KCNT2: variants seen among roughly 807,000 people sequenced by gnomAD.
KCNT2 encodes the protein potassium channel subfamily T member 2.
In KCNT2, 67 loss-of-function variants were observed where a neutral mutation model predicts 153.8. The ratio of observed to expected loss-of-function variants is 0.44; its 90% confidence interval spans 0.36 to 0.53. The LOEUF is 0.53. Ranked by LOEUF, KCNT2 falls within the 20% of genes least tolerant of loss-of-function variation. The pLI, the probability that KCNT2 is intolerant of heterozygous loss-of-function variation, is 0.00. For missense variants in KCNT2, 975 were observed against 1,354.8 expected, an observed-to-expected ratio of 0.72 and a Z score of 4.40; for synonymous variants, 500 against 458.8, an observed-to-expected ratio of 1.09 and a Z score of -1.15.
intron 1 of KCNT2, among the ~76,000 whole-genome samples, chr1:196,561,178 C>G (rs188777737): frequency 4.6e-5 from 7 of 151,588 alleles, no homozygotes; most frequent in Non-Finnish European, 1.0e-4. Flanking sequence ...TTTAATCATT[C>G]CACGACTTAT....
chr1:196,298,898 A>G (rs1660920189), intron 22 of KCNT2, among the ~76,000 whole-genome samples: 1 of 150,610 alleles, frequency 6.6e-6, no homozygotes, highest in Non-Finnish European at 1.5e-5. Flanking sequence ...AGGGACAAAG[A>G]CCAAGTATTT....
intron 1 of KCNT2, among the ~76,000 whole-genome samples, chr1:196,509,167 G>C (rs1681395947): frequency 6.6e-6 from 1 of 151,628 alleles, no homozygotes; most frequent in Admixed American, 6.6e-5. Flanking sequence ...TACTCGGGAG[G>C]CTGAGGCAGG....
chr1:196,440,596 T>A (rs1171311985), intron 8 of KCNT2, among the ~76,000 whole-genome samples: 2 of 151,978 alleles, frequency 1.3e-5, no homozygotes, highest in East Asian at 3.9e-4. Flanking sequence ...TTTACCTTAA[T>A]CATAAAATGA....
chr1:196,605,080 C>T (rs543075593), intron 1 of KCNT2, among the ~76,000 whole-genome samples: 2 of 152,240 alleles, frequency 1.3e-5, no homozygotes, highest in Non-Finnish European at 2.9e-5. Context: ...TCAACTATGA[C>T]CTAAGATGGA....
chr1:196,561,922 A>G (rs878897597), intron 1 of KCNT2, among the ~76,000 whole-genome samples: 4 of 151,936 alleles, frequency 2.6e-5, no homozygotes, highest in Non-Finnish European at 5.9e-5. Context: ...CAACTGGTTG[A>G]AAGAGTTTAT....
Position 196,340,576 on chromosome 1 carries a change from T to A in KCNT2, c.1554-6A>T. On this transcript the variant is annotated splice_region_variant and splice_polypyrimidine_tract_variant and intron_variant, in intron 15 of 27. Transcript: ENST00000294725. ...CAATCAAGCAGACGCCAAACCTTAATTTAAAAAAAAAGAGAGTTTGTAAGA... is the reference window on the plus strand; with the variant it reads ...CAATCAAGCAGACGCCAAACCTTAAATTAAAAAAAAAGAGAGTTTGTAAGA... The A allele has an allele frequency of 1.3e-6, 2 of 1,494,882 alleles. No individual in the cohort carries two copies. Among genetic ancestry groups the A allele is most frequent in the Non-Finnish European group, 1.8e-6 (2 of 1,112,364 alleles). The allele number at this position is 1,494,882 out of a possible 1,614,324, so 92.6% of individuals were successfully genotyped here.
At chr1:196,596,647 A>C (rs549467802) in intron 1 of KCNT2, among the ~76,000 whole-genome samples, 9 of 152,286 alleles carry the variant, frequency 5.9e-5, no homozygotes, top group African/African-American at 2.2e-4. Context: ...GGATATGAGA[A>C]GGCTGGCTGT....
At chr1:196,435,135 GTATGTATATATATATATATATATATATA>G (rs1302882003) in intron 8 of KCNT2, among the ~76,000 whole-genome samples, 7 of 76,872 alleles carry the variant, frequency 9.1e-5, no homozygotes, top group African/African-American at 2.9e-4. Flanking sequence ...GTGTGTGTGT[GTATGTATATATATATATATATATATATA>G]TATATATATA....
intron 1 of KCNT2, among the ~76,000 whole-genome samples, chr1:196,543,806 G>A (rs1656701987): frequency 6.6e-6 from 1 of 152,186 alleles, no homozygotes; most frequent in South Asian, 2.1e-4. Context: ...GAATGTAGGT[G>A]GTACAGCCAC....
At chr1:196,518,681 A>T (rs1247104509) in intron 1 of KCNT2, among the ~76,000 whole-genome samples, 1 of 152,198 alleles carries the variant, frequency 6.6e-6, no homozygotes, top group East Asian at 1.9e-4. Context: ...ATGATGGAAA[A>T]AAAAGCACAT....
chr1:196,525,284 T>C (rs1482765942), intron 1 of KCNT2, among the ~76,000 whole-genome samples: 1 of 152,216 alleles, frequency 6.6e-6, no homozygotes, highest in Non-Finnish European at 1.5e-5. Context: ...ACCCAGGCCA[T>C]GCTCTGCCTT....
chr1:196,426,902 A>T (rs1448203295), intron 10 of KCNT2, among the ~76,000 whole-genome samples: 1 of 151,924 alleles, frequency 6.6e-6, no homozygotes, highest in African/African-American at 2.4e-5. Flanking sequence ...GTGAAGACAC[A>T]CCTGCTTCCC....
chr1:196,305,244 T>A lies in KCNT2; in HGVS notation c.2585A>T (p.Lys862Ile), dbSNP rs368091129. 4.4e-6 allele frequency: 7 copies of A among 1,603,188 alleles called. No individual in the cohort carries two copies. Among genetic ancestry groups the A allele is most frequent in the African/African-American group, 2.7e-5 (2 of 74,656 alleles). ...AKDCYSLALS[K>I]LEKKERERGS... ...AATGTGGGGTCTTACCTTTTCCAGT[T>A]TTGAAAGAGCAAGAGAGTAACAGTC... The change falls in exon 22 of 28, where the codon AAA (lysine) becomes ATA (isoleucine). Residue 862 changes from lysine (K) to isoleucine (I), a missense_variant. By Grantham distance (102) the Lys-to-Ile change is moderately radical. Coordinates refer to ENST00000294725, the MANE Select transcript of KCNT2 (RefSeq NM_198503.5).
intron 8 of KCNT2, among the ~76,000 whole-genome samples, chr1:196,431,295 A>C (rs1025663159): frequency 1.3e-5 from 2 of 152,142 alleles, no homozygotes; most frequent in Non-Finnish European, 1.5e-5. Context: ...CAAATACCTA[A>C]AAATGTGGAA....
At chr1:196,603,822 A>T (rs1485411393) in intron 1 of KCNT2, among the ~76,000 whole-genome samples, 1 of 152,266 alleles carries the variant, frequency 6.6e-6, no homozygotes, top group Non-Finnish European at 1.5e-5. Flanking sequence ...GTGACAATTT[A>T]TTCACATTAA....
chr1:196,235,664 A>T (rs1654368957), intron 27 of KCNT2, among the ~76,000 whole-genome samples: 1 of 151,438 alleles, frequency 6.6e-6, no homozygotes, highest in Non-Finnish European at 1.5e-5. Flanking sequence ...ATTTAGAACT[A>T]GACAGTGTGG....
chr1:196,282,394 T>A (rs1406721972), intron 23 of KCNT2, 38 bp from the exon 24 acceptor site: 8 of 981,014 alleles, frequency 8.2e-6, no homozygotes, highest in Non-Finnish European at 1.1e-5. Context: ...TAAATGTATA[T>A]TTATATATAA....
chr1:196,551,410 T>C (rs1291401311), intron 1 of KCNT2, among the ~76,000 whole-genome samples: 1 of 151,762 alleles, frequency 6.6e-6, no homozygotes, highest in Non-Finnish European at 1.5e-5. Context: ...AGAACTTTTG[T>C]AAAGGGGGAT....
At chr1:196,534,577 G>A (rs1200676277) in intron 1 of KCNT2, among the ~76,000 whole-genome samples, 1 of 151,994 alleles carries the variant, frequency 6.6e-6, no homozygotes, top group Non-Finnish European at 1.5e-5. Context: ...GCATTAAGTG[G>A]AACAAACGTA....
Sources: allele counts gnomAD v4.1 joint callset (sites outside exome capture counted in the v4.1 genomes callset), GRCh38; gene constraint gnomAD v4.1.1; transcripts MANE v1.5; gene names NCBI Gene and HGNC (gene_info 2026-07-23, HGNC 2026-07-21).